FER: variants seen among roughly 807,000 people sequenced by gnomAD.
FER encodes tyrosine-protein kinase Fer.
In FER, 63 loss-of-function variants were observed where a neutral mutation model predicts 111.0. The observed-to-expected ratio is 0.57, with a 90% CI of 0.46 to 0.70. The LOEUF (loss-of-function observed/expected upper bound fraction) is 0.70, where lower values mean the gene tolerates loss of function less well. Among genes scored for constraint, FER ranks in the 30% least tolerant of loss-of-function variants. The pLI is 0.00. For synonymous variants in FER, 327 were observed against 313.9 expected, an observed-to-expected ratio of 1.04 and a Z score of -0.44; for missense variants, 914 against 954.0, an observed-to-expected ratio of 0.96 and a Z score of 0.55.
At chr5:108,972,066 T>A (rs976086537) in intron 13 of FER, among the ~76,000 whole-genome samples, 1 of 152,258 alleles carries the variant, frequency 6.6e-6, no homozygotes, top group South Asian at 2.1e-4. Flanking sequence ...CCATCTTCTT[T>A]AATGTTTTGC....
At chr5:108,890,350 T>A (rs1226260118) in intron 9 of FER, among the ~76,000 whole-genome samples, 2 of 152,110 alleles carry the variant, frequency 1.3e-5, no homozygotes, top group Non-Finnish European at 2.9e-5. Flanking sequence ...TAAAGCAACA[T>A]AATTTTATTT....
At chr5:108,899,708 G>T (rs1749728264) in intron 10 of FER, among the ~76,000 whole-genome samples, 1 of 151,916 alleles carries the variant, frequency 6.6e-6, no homozygotes, top group Admixed American at 6.6e-5. Context: ...GGAGGCTGAG[G>T]TGGGAGAATC....
rs1561542390 is a variant in FER at position 108,872,067 on chromosome 5, CA to C, written c.804-22del. ...ATTATGATACTGTATTTACAATGAT[CA>C]AAATTATTTGCCATGCTTTACTAGA... is the stretch of plus-strand genomic sequence containing the variant. On this transcript the variant is annotated intron_variant, in intron 7 of 19. Coordinates refer to ENST00000281092, the MANE Select transcript of FER (RefSeq NM_005246.4). The C allele has an allele frequency of 3.7e-6, 6 of 1,603,014 alleles. No individual in the cohort carries two copies. The Middle Eastern group carries it at 8.3e-4, about 222-fold the overall frequency.
chr5:109,172,364 G>C (rs1011734587), intron 17 of FER, among the ~76,000 whole-genome samples: 7 of 151,098 alleles, frequency 4.6e-5, no homozygotes, highest in Admixed American at 2.6e-4. Flanking sequence ...AATCATCATT[G>C]TCAGTAAACT....
Position 109,005,493 on chromosome 5 carries a change from A to C in FER, c.1657-31929A>C, listed in dbSNP as rs537628501. ...AGTTGTGATGTATATATGTATAAGC[A>C]TGTGTCATCTATTTGTGGAAGATTC... On this transcript the variant is annotated intron_variant, in intron 13 of 19. Coordinates refer to ENST00000281092, the MANE Select transcript of FER (RefSeq NM_005246.4). Among the ~76,000 whole-genome samples, 8 of 152,312 alleles carry C rather than the reference A, an allele frequency of 5.3e-5. No individual in the cohort carries two copies. The East Asian group carries it at 1.4e-3, about 26-fold the overall frequency.
intron 13 of FER, among the ~76,000 whole-genome samples, chr5:109,008,567 T>G (rs909694059): frequency 6.6e-6 from 1 of 152,186 alleles, no homozygotes; most frequent in African/African-American, 2.4e-5. Context: ...AACTCATCTA[T>G]CTTGTCCCTT....
intron 16 of FER, chr5:109,051,499 C>T (rs947270395): frequency 6.8e-6 from 11 of 1,610,084 alleles, no homozygotes; most frequent in Non-Finnish European, 8.5e-6. Context: ...TCCCGCCTGC[C>T]CCATTCGATT....
intron 13 of FER, among the ~76,000 whole-genome samples, chr5:109,028,843 G>A (rs1769155898): frequency 6.6e-6 from 1 of 152,144 alleles, no homozygotes; most frequent in South Asian, 2.1e-4. Flanking sequence ...CCATTACTCA[G>A]GAAATCCCAT....
intron 2 of FER, among the ~76,000 whole-genome samples, chr5:108,774,996 G>T (rs78952178): frequency 0.017 from 2,563 of 152,060 alleles, 75 homozygotes; most frequent in African/African-American, 0.059. Flanking sequence ...ATTTTGTCTA[G>T]GTTTTCTTCT....
intron 13 of FER, among the ~76,000 whole-genome samples, chr5:109,004,044 A>G (rs551086460): frequency 6.6e-6 from 1 of 152,334 alleles, no homozygotes; most frequent in Admixed American, 6.5e-5. Flanking sequence ...GACAAATATT[A>G]GAAAACAATA....
rs184638538 is a variant in FER, at chr5:108,760,994, G to C, written c.-205-7099G>C. Among the ~76,000 whole-genome samples, 315 of 151,558 alleles carry C rather than the reference G, an allele frequency of 2.1e-3. 3 individuals are homozygous for C. The highest frequency in any genetic ancestry group is 7.1e-3 in the African/African-American group (292 of 41,318). ...TGCCCAGGCTGGAGTGCAGTGGCAC[G>C]ATCTCTGCTCACTGCAACTTCCGCC... On this transcript the variant is annotated intron_variant, in intron 1 of 19. Transcript: ENST00000281092.
At chr5:108,815,680 G>A (rs1758199526) in intron 3 of FER, among the ~76,000 whole-genome samples, 1 of 152,060 alleles carries the variant, frequency 6.6e-6, no homozygotes. Flanking sequence ...GTACTTAAAA[G>A]GAAGTATTGC....
chr5:108,966,077 C>A lies in FER; in HGVS notation c.1656+6730C>A, dbSNP rs571522493. Reference sequence around the variant, plus strand: ...TCAAAAAAGTAATAGACTTTAGAAACCACTGATGTTCCATAAATGATACTT... The same window carrying A: ...TCAAAAAAGTAATAGACTTTAGAAAACACTGATGTTCCATAAATGATACTT... On this transcript the variant is annotated intron_variant, in intron 13 of 19. Coordinates refer to ENST00000281092, the MANE Select transcript of FER (RefSeq NM_005246.4). Among the ~76,000 whole-genome samples, 4 of 152,258 alleles carry A rather than the reference C, an allele frequency of 2.6e-5. No homozygotes were observed. The South Asian group carries it at 8.3e-4, about 32-fold the overall frequency.
At chr5:108,952,921 TAGAG>T (rs1267015717) in intron 11 of FER, among the ~76,000 whole-genome samples, 1 of 152,062 alleles carries the variant, frequency 6.6e-6, no homozygotes, top group Non-Finnish European at 1.5e-5. Flanking sequence ...GTTGACCTTT[TAGAG>T]AGACAATGAT....
intron 5 of FER, among the ~76,000 whole-genome samples, chr5:108,838,442 A>G (rs919156093): frequency 1.3e-5 from 2 of 152,174 alleles, no homozygotes; most frequent in Non-Finnish European, 2.9e-5. Context: ...CCTTGGGGAA[A>G]CAAGGCCTGG....
intron 13 of FER, among the ~76,000 whole-genome samples, chr5:108,984,389 C>T (rs1762340175): frequency 6.6e-6 from 1 of 151,842 alleles, no homozygotes; most frequent in Admixed American, 6.6e-5. Context: ...CTACGAAATC[C>T]CAGTTATTAT....
At chr5:109,178,403 A>G (rs557408762) in intron 17 of FER, among the ~76,000 whole-genome samples, 82 of 152,336 alleles carry the variant, frequency 5.4e-4, no homozygotes, top group Non-Finnish European at 1.0e-3. Context: ...TGGTGATGCA[A>G]TGAAGATAGT....
intron 13 of FER, among the ~76,000 whole-genome samples, chr5:109,035,033 C>CTTTTTTTTTTTTT: frequency 8.4e-6 from 1 of 119,666 alleles, no homozygotes; most frequent in Non-Finnish European, 1.7e-5. Context: ...AGAAATTGAA[C>CTTTTTTTTTTTTT]TTTTTTTTTT....
chr5:108,937,140 C>A (rs1755578595), intron 10 of FER, among the ~76,000 whole-genome samples: 1 of 151,918 alleles, frequency 6.6e-6, no homozygotes, highest in African/African-American at 2.4e-5. Flanking sequence ...TGCTTAACTT[C>A]ATCATTAATA....
Sources: allele counts gnomAD v4.1 joint callset (sites outside exome capture counted in the v4.1 genomes callset), GRCh38; gene constraint gnomAD v4.1.1; transcripts MANE v1.5; gene names NCBI Gene and HGNC (gene_info 2026-07-23, HGNC 2026-07-21).